DGKB: variants seen among roughly 807,000 people sequenced by gnomAD.
The protein encoded by DGKB is 90 kDa diacylglycerol kinase.
Under a neutral mutation model 114.3 loss-of-function variants are expected in DGKB, and 67 were observed. That is an observed-to-expected ratio of 0.59 (90% CI 0.48 to 0.72). The LOEUF (loss-of-function observed/expected upper bound fraction) is 0.72, where lower values mean the gene tolerates loss of function less well. DGKB is among the 30% of genes least tolerant of loss of function. DGKB has a pLI of 0.00. For synonymous variants in DGKB, 398 were observed against 323.1 expected, an observed-to-expected ratio of 1.23 and a Z score of -2.49; for missense variants, 907 against 975.2, an observed-to-expected ratio of 0.93 and a Z score of 0.93.
intron 23 of DGKB, among the ~76,000 whole-genome samples, chr7:14,334,586 A>T (rs988674522): frequency 8.8e-5 from 13 of 147,706 alleles, no homozygotes; most frequent in African/African-American, 3.2e-4. Context: ...CTGGCAATGA[A>T]TTTTTTTTTT....
At chr7:14,922,919 T>C (rs1348583312) in intron 1 of DGKB, among the ~76,000 whole-genome samples, 1 of 152,206 alleles carries the variant, frequency 6.6e-6, no homozygotes, top group East Asian at 1.9e-4. Flanking sequence ...ATTATTACTG[T>C]GATCACTATG....
chr7:14,525,492 A>C (rs1790498242), intron 20 of DGKB, among the ~76,000 whole-genome samples: 1 of 152,266 alleles, frequency 6.6e-6, no homozygotes, highest in African/African-American at 2.4e-5. Flanking sequence ...TGTCCCCACT[A>C]AGCAGCAAGG....
rs1046078837 is a variant in DGKB at position 14,470,948 on chromosome 7, G to C, written c.1835+7213C>G. Among the ~76,000 whole-genome samples, 6 of 151,054 alleles carry C rather than the reference G, an allele frequency of 4.0e-5. 1 individual carries two copies. The East Asian group carries it at 1.2e-3, about 29-fold the overall frequency. ...CTTTATATGGTAAGTAAAAATATTT[G>C]GCTTTGATATAGCATTTTTCTGTCA... is the stretch of plus-strand genomic sequence containing the variant. On this transcript the variant is annotated intron_variant, in intron 21 of 25. Transcript: ENST00000402815.
chr7:14,888,877 T>C (rs1780734635), intron 1 of DGKB, among the ~76,000 whole-genome samples: 1 of 151,722 alleles, frequency 6.6e-6, no homozygotes, highest in Non-Finnish European at 1.5e-5. Context: ...TAATATTTCC[T>C]GGCCTGTCAT....
At chr7:14,901,511 G>A (rs1216105307) in intron 1 of DGKB, among the ~76,000 whole-genome samples, 1 of 151,426 alleles carries the variant, frequency 6.6e-6, no homozygotes, top group African/African-American at 2.4e-5. Flanking sequence ...ATTTTTCTTG[G>A]AGAAAAATGT....
intron 17 of DGKB, among the ~76,000 whole-genome samples, chr7:14,599,459 C>A (rs550143346): frequency 3.9e-4 from 59 of 152,258 alleles, no homozygotes; most frequent in African/African-American, 1.4e-3. Flanking sequence ...TTTATGCTTG[C>A]TGCTCTCTCT....
At chr7:14,463,929 T>C (rs1360691779) in intron 21 of DGKB, among the ~76,000 whole-genome samples, 1 of 152,122 alleles carries the variant, frequency 6.6e-6, no homozygotes, top group Non-Finnish European at 1.5e-5. Flanking sequence ...AACTTACACG[T>C]TAGGTTTACA....
chr7:14,918,531 C>A (rs36852), intron 1 of DGKB, among the ~76,000 whole-genome samples: 1 of 151,832 alleles, frequency 6.6e-6, no homozygotes, highest in Non-Finnish European at 1.5e-5. Context: ...ATAGTAAAGT[C>A]AAATTCTTAA....
intron 2 of DGKB, among the ~76,000 whole-genome samples, chr7:14,770,725 T>A (rs1445445485): frequency 6.6e-6 from 1 of 152,140 alleles, no homozygotes; most frequent in Non-Finnish European, 1.5e-5. Flanking sequence ...CTGTTATGAT[T>A]AGAGCCAAGA....
intron 23 of DGKB, among the ~76,000 whole-genome samples, chr7:14,337,380 C>T (rs1327546237): frequency 6.6e-6 from 1 of 152,016 alleles, no homozygotes; most frequent in Non-Finnish European, 1.5e-5. Context: ...TGTACTAATA[C>T]AATTCTCCAA....
intron 25 of DGKB, among the ~76,000 whole-genome samples, chr7:14,167,204 C>CTAT (rs1363461881): frequency 5.1e-5 from 3 of 58,520 alleles, no homozygotes; most frequent in Admixed American, 2.2e-4. Context: ...GAATGAGACT[C>CTAT]CATCTCAAAA....
At chr7:14,682,976 G>A (rs1312914577) in intron 10 of DGKB, 135 bp from the exon 11 acceptor site, 10 of 654,756 alleles carry the variant, frequency 1.5e-5, no homozygotes, top group Non-Finnish European at 2.7e-5. Context: ...ACATCAAGGA[G>A]AAGTCCAAGT....
At chr7:14,189,622 C>CAAAAT (rs1310810385) in intron 23 of DGKB, among the ~76,000 whole-genome samples, 1 of 151,552 alleles carries the variant, frequency 6.6e-6, no homozygotes, top group Non-Finnish European at 1.5e-5. Flanking sequence ...GCTGAATAGG[C>CAAAAT]AAAATAAAAT....
At chr7:14,350,875 T>G (rs1813315452) in intron 21 of DGKB, among the ~76,000 whole-genome samples, 1 of 152,158 alleles carries the variant, frequency 6.6e-6, no homozygotes, top group Non-Finnish European at 1.5e-5. Context: ...ATTAAATATT[T>G]AATTACTAAG....
chr7:14,471,778 T>C (rs1025040883), intron 21 of DGKB, among the ~76,000 whole-genome samples: 4 of 152,036 alleles, frequency 2.6e-5, no homozygotes, highest in African/African-American at 9.7e-5. Flanking sequence ...TAGTAAGATA[T>C]ATAGAAAAAT....
At chr7:14,436,172 T>C (rs1002186037) in intron 21 of DGKB, among the ~76,000 whole-genome samples, 1 of 152,182 alleles carries the variant, frequency 6.6e-6, no homozygotes, top group East Asian at 1.9e-4. Flanking sequence ...TTAAAAATAC[T>C]GTAGTGTACA....
chr7:14,350,792 T>C (rs1272827108), intron 21 of DGKB, among the ~76,000 whole-genome samples: 1 of 151,774 alleles, frequency 6.6e-6, no homozygotes, highest in African/African-American at 2.4e-5. Flanking sequence ...GAGGAGAAAA[T>C]AAATCTCTTT....
chr7:14,900,877 G>C (rs1032338825), intron 1 of DGKB, among the ~76,000 whole-genome samples: 2 of 152,070 alleles, frequency 1.3e-5, no homozygotes, highest in African/African-American at 4.8e-5. Context: ...GCTACATAAA[G>C]ATTTCAGGTA....
At chr7:14,449,385 A>G (rs750010576) in intron 21 of DGKB, among the ~76,000 whole-genome samples, 2 of 152,012 alleles carry the variant, frequency 1.3e-5, no homozygotes, top group Non-Finnish European at 2.9e-5. Flanking sequence ...ATTGTCTGTA[A>G]GCCTTCTGGG....
Sources: allele counts gnomAD v4.1 joint callset (sites outside exome capture counted in the v4.1 genomes callset), GRCh38; gene constraint gnomAD v4.1.1; transcripts MANE v1.5; gene names NCBI Gene and HGNC (gene_info 2026-07-23, HGNC 2026-07-21).